Variants in UNC5C observed in about 807,000 individuals in gnomAD.
UNC5C encodes netrin receptor UNC5C.
In UNC5C, 47 loss-of-function variants were observed where a neutral mutation model predicts 99.8. That is an observed-to-expected ratio of 0.47 (90% confidence interval 0.37 to 0.60). The LOEUF (loss-of-function observed/expected upper bound fraction) is 0.60. Among genes scored for constraint, UNC5C ranks in the 20% least tolerant of loss-of-function variants. UNC5C has a pLI of 0.00. For synonymous variants in UNC5C, 487 were observed against 452.2 expected (o/e 1.08, Z -0.98); for missense variants, 1,062 against 1,165.9 (o/e 0.91, Z 1.30).
At chr4:95,496,685 A>T (rs200961435) in intron 1 of UNC5C, among the ~76,000 whole-genome samples, 1 of 139,198 alleles carries the variant, frequency 7.2e-6, no homozygotes, top group Admixed American at 8.4e-5. Context: ...GTACTTTTTT[A>T]ATTTTTATTT....
chr4:95,542,256 G>A (rs756072161), intron 1 of UNC5C, among the ~76,000 whole-genome samples: 8 of 151,936 alleles, frequency 5.3e-5, no homozygotes, highest in East Asian at 3.9e-4. Context: ...CTCCCCTCAC[G>A]CTCACATTCC....
intron 1 of UNC5C, among the ~76,000 whole-genome samples, chr4:95,419,012 A>G (rs915452337): frequency 3.9e-5 from 6 of 152,216 alleles, no homozygotes; most frequent in African/African-American, 1.2e-4. Flanking sequence ...AGACACGATG[A>G]TCTTCAATAT....
intron 1 of UNC5C, among the ~76,000 whole-genome samples, chr4:95,517,622 G>A (rs567278168): frequency 1.3e-5 from 2 of 152,132 alleles, no homozygotes; most frequent in Admixed American, 6.6e-5. Context: ...TGGGATTACA[G>A]CCTTCCCAAC....
At chr4:95,344,302 T>C (rs527441586) in intron 1 of UNC5C, among the ~76,000 whole-genome samples, 1 of 152,072 alleles carries the variant, frequency 6.6e-6, no homozygotes, top group East Asian at 1.9e-4. Context: ...TTTAAAGTGC[T>C]GAAGGAAAAA....
intron 1 of UNC5C, among the ~76,000 whole-genome samples, chr4:95,471,598 T>C (rs76484059): frequency 1.9e-3 from 283 of 152,274 alleles, no homozygotes; most frequent in African/African-American, 6.5e-3. Context: ...CTCAAATTCA[T>C]TGATATCATG....
intron 1 of UNC5C, among the ~76,000 whole-genome samples, chr4:95,397,974 G>A (rs113212779): frequency 0.017 from 2,412 of 145,090 alleles, 68 homozygotes; most frequent in African/African-American, 0.058. Context: ...TCCTACATCT[G>A]TTGCATAAAA....
At chr4:95,447,727 G>A (rs1022506168) in intron 1 of UNC5C, among the ~76,000 whole-genome samples, 1 of 152,046 alleles carries the variant, frequency 6.6e-6, no homozygotes, top group Non-Finnish European at 1.5e-5. Flanking sequence ...TCTCAAACTC[G>A]TGATCTCAGG....
chr4:95,187,123 G>C (rs1313584188), intron 12 of UNC5C, among the ~76,000 whole-genome samples: 3 of 152,194 alleles, frequency 2.0e-5, no homozygotes, highest in African/African-American at 7.2e-5. Flanking sequence ...TTGGTGTCTA[G>C]TTAGCATAAT....
chr4:95,318,634 T>G (rs919558236), intron 2 of UNC5C, among the ~76,000 whole-genome samples: 2 of 152,194 alleles, frequency 1.3e-5, no homozygotes, highest in African/African-American at 4.8e-5. Flanking sequence ...AGGGCATCAT[T>G]GTCCAGGGTC....
chr4:95,282,417 T>C (rs990859518), intron 3 of UNC5C, among the ~76,000 whole-genome samples: 1 of 152,102 alleles, frequency 6.6e-6, no homozygotes, highest in African/African-American at 2.4e-5. Flanking sequence ...CTGGGTACTG[T>C]AGGGGCGGAG....
At chr4:95,215,846 G>T (rs1325716006) in intron 10 of UNC5C, among the ~76,000 whole-genome samples, 1 of 152,116 alleles carries the variant, frequency 6.6e-6, no homozygotes, top group Non-Finnish European at 1.5e-5. Flanking sequence ...GACAATCTAG[G>T]GATCACATTT....
chr4:95,261,708 C>CT (rs11426859), intron 4 of UNC5C, among the ~76,000 whole-genome samples: 36,011 of 145,688 alleles, frequency 0.25, 5,601 homozygotes, highest in East Asian at 0.43. Context: ...ATATGAATTC[C>CT]TTTTTTTTTT....
intron 1 of UNC5C, among the ~76,000 whole-genome samples, chr4:95,335,891 C>T (rs1330517368): frequency 3.3e-5 from 5 of 151,794 alleles, no homozygotes; most frequent in Non-Finnish European, 7.4e-5. Flanking sequence ...AATAGCAGAG[C>T]TGAAACTGGA....
intron 2 of UNC5C, among the ~76,000 whole-genome samples, chr4:95,332,863 C>A (rs886502568): frequency 7.2e-5 from 11 of 152,044 alleles, no homozygotes; most frequent in Middle Eastern, 3.4e-3. Flanking sequence ...TGAACTCAAA[C>A]AAATTTACAA....
rs551136564 is a variant in UNC5C at position 95,420,365 on chromosome 4, G to A, written c.125-84734C>T. Among the ~76,000 whole-genome samples, 5 of 152,166 alleles carry A rather than the reference G, an allele frequency of 3.3e-5. No homozygotes were observed. In the South Asian group the frequency reaches 1.0e-3, roughly 32 times the overall value. On this transcript the variant is annotated intron_variant, in intron 1 of 15. Transcript: ENST00000453304. Reference sequence around the variant, plus strand: ...GAATGCTAGACATATTTGTGTCAATGGGGACACATAATAAAATAATCAATA... The same window carrying A: ...GAATGCTAGACATATTTGTGTCAATAGGGACACATAATAAAATAATCAATA...
At chr4:95,532,281 G>A (rs952485281) in intron 1 of UNC5C, among the ~76,000 whole-genome samples, 2 of 152,070 alleles carry the variant, frequency 1.3e-5, no homozygotes, top group Non-Finnish European at 2.9e-5. Flanking sequence ...AGATAGTCTT[G>A]ATTTCCACCT....
At chr4:95,187,708 G>T (rs767825) in intron 12 of UNC5C, among the ~76,000 whole-genome samples, 3 of 152,160 alleles carry the variant, frequency 2.0e-5, no homozygotes, top group Non-Finnish European at 2.9e-5. Context: ...GACTGGCTTG[G>T]AGGAGCCCTT....
At chr4:95,380,564 C>T (rs1255206471) in intron 1 of UNC5C, among the ~76,000 whole-genome samples, 3 of 151,710 alleles carry the variant, frequency 2.0e-5, no homozygotes, top group Non-Finnish European at 2.9e-5. Flanking sequence ...GCATAAGCCA[C>T]CACGCTTGGC....
At chr4:95,207,861 C>G (rs1395564496) in intron 10 of UNC5C, among the ~76,000 whole-genome samples, 1 of 152,176 alleles carries the variant, frequency 6.6e-6, no homozygotes, top group East Asian at 1.9e-4. Context: ...ACAAAATATT[C>G]TTACTTAGAA....
Sources: gnomAD v4.1 joint callset for allele counts (sites outside exome capture counted in the v4.1 genomes callset) on GRCh38, gnomAD v4.1.1 for gene constraint, MANE v1.5 for transcripts, NCBI Gene and HGNC (gene_info 2026-07-23, HGNC 2026-07-21) for gene names.